Variants in GPR158 observed in about 807,000 individuals in gnomAD.
GPR158 encodes the protein G protein-coupled receptor 158.
A neutral mutation model predicts 78.2 loss-of-function variants in GPR158; 30 were observed. The ratio of observed to expected loss-of-function variants is 0.38; its 90% CI spans 0.29 to 0.52. The LOEUF (loss-of-function observed/expected upper bound fraction) is 0.52, where lower values mean the gene tolerates loss of function less well. GPR158 is among the 20% of genes least tolerant of loss of function. The pLI is 0.83. For synonymous variants in GPR158, 581 were observed against 591.1 expected (o/e 0.98, Z 0.25); for missense variants, 1,463 against 1,523.5 (o/e 0.96, Z 0.66).
chr10:25,307,941 A>AT (rs1327884128), intron 2 of GPR158, among the ~76,000 whole-genome samples: 3 of 152,220 alleles, frequency 2.0e-5, no homozygotes, highest in African/African-American at 7.2e-5. Context: ...CAAAACACAT[A>AT]TTTTTTCTTA....
intron 3 of GPR158, among the ~76,000 whole-genome samples, chr10:25,409,964 C>G (rs1450251916): frequency 1.3e-5 from 2 of 152,098 alleles, no homozygotes; most frequent in East Asian, 1.9e-4. Flanking sequence ...AACTCCTACT[C>G]TTTGGAAATT....
chr10:25,244,434 A>G (rs1256377532), intron 2 of GPR158: 1 of 152,202 alleles, frequency 6.6e-6, no homozygotes, highest in East Asian at 1.9e-4. Context: ...CTAGAAGTTA[A>G]CAACTCTATA....
intron 2 of GPR158, among the ~76,000 whole-genome samples, chr10:25,231,026 C>T (rs180723382): frequency 1.1e-3 from 160 of 152,302 alleles, no homozygotes; most frequent in African/African-American, 3.8e-3. Flanking sequence ...ATGTTTCCAT[C>T]CGAAAGAATA....
intron 2 of GPR158, among the ~76,000 whole-genome samples, chr10:25,340,414 A>G (rs1855286206): frequency 1.3e-5 from 2 of 152,100 alleles, no homozygotes; most frequent in Admixed American, 6.6e-5. Flanking sequence ...CCTGTACTCT[A>G]TCAAATGTAT....
intron 2 of GPR158, among the ~76,000 whole-genome samples, chr10:25,283,183 C>T (rs948385167): frequency 6.6e-6 from 1 of 152,002 alleles, no homozygotes; most frequent in African/African-American, 2.4e-5. Flanking sequence ...TCAATTTCCT[C>T]ACCAGGTATA....
chr10:25,508,391 G>A (rs886677620), intron 5 of GPR158, among the ~76,000 whole-genome samples: 9 of 152,100 alleles, frequency 5.9e-5, no homozygotes, highest in Non-Finnish European at 1.2e-4. Flanking sequence ...GTACTTATAA[G>A]GGAAGTCAAG....
Position 25,572,900 on chromosome 10 carries a change from T to C in GPR158, c.1753+13T>C, listed in dbSNP as rs1455167350. 7.1e-7 allele frequency: 1 copy of C among 1,403,118 alleles called. No individual in the cohort carries two copies. Among genetic ancestry groups the C allele is most frequent in the Non-Finnish European group, 1.0e-6 (1 of 987,010 alleles). 86.9% of individuals were successfully genotyped at this position (1,403,118 alleles called of 1,614,324 possible). A position where few individuals can be genotyped will look rare whatever the true frequency, so the allele number is the denominator to read the frequency against. ...ATGACAGCAGTTGGTATGTGGTCAC[T>C]TGTTTCGTATGATGGTCTTACCATT... On this transcript the variant is annotated intron_variant, in intron 7 of 10. Transcript: ENST00000376351.
chr10:25,279,092 T>A (rs1009014715), intron 2 of GPR158, among the ~76,000 whole-genome samples: 1 of 152,056 alleles, frequency 6.6e-6, no homozygotes, highest in Non-Finnish European at 1.5e-5. Flanking sequence ...AAATAACACA[T>A]GAGACAGGAG....
chr10:25,430,599 T>C (rs1189850461), intron 4 of GPR158, among the ~76,000 whole-genome samples: 87 of 151,236 alleles, frequency 5.8e-4, no homozygotes, highest in Non-Finnish European at 1.1e-3. Flanking sequence ...TCATGCTACC[T>C]AACTTCAAAC....
At chr10:25,325,191 A>G (rs1855012417) in intron 2 of GPR158, among the ~76,000 whole-genome samples, 1 of 152,146 alleles carries the variant, frequency 6.6e-6, no homozygotes, top group Non-Finnish European at 1.5e-5. Flanking sequence ...ATCAGAAGAA[A>G]AGGTGAATAT....
intron 2 of GPR158, among the ~76,000 whole-genome samples, chr10:25,253,702 A>G (rs921128063): frequency 1.3e-5 from 2 of 152,204 alleles, no homozygotes; most frequent in African/African-American, 2.4e-5. Flanking sequence ...ATATATATAT[A>G]TATCACACTT....
chr10:25,342,351 T>G (rs2130507959), intron 2 of GPR158, among the ~76,000 whole-genome samples: 1 of 152,104 alleles, frequency 6.6e-6, no homozygotes, highest in Non-Finnish European at 1.5e-5. Context: ...TTCTTGTTTC[T>G]GCAGCTCTGG....
intron 1 of GPR158, among the ~76,000 whole-genome samples, chr10:25,191,852 C>T (rs1171075202): frequency 6.6e-6 from 1 of 152,100 alleles, no homozygotes; most frequent in African/African-American, 2.4e-5. Context: ...TCCTGTTTCT[C>T]CCTCACTTTT....
At chr10:25,371,460 A>G (rs1833991807) in intron 2 of GPR158, among the ~76,000 whole-genome samples, 1 of 151,896 alleles carries the variant, frequency 6.6e-6, no homozygotes, top group African/African-American at 2.4e-5. Context: ...AAACTATACT[A>G]TAAGGCTACA....
intron 4 of GPR158, among the ~76,000 whole-genome samples, chr10:25,438,444 T>A (rs1380343214): frequency 6.6e-6 from 1 of 152,264 alleles, no homozygotes; most frequent in Non-Finnish European, 1.5e-5. Flanking sequence ...CACTTTGTTT[T>A]ATGTCCATTT....
At chr10:25,516,054 T>C (rs1180993148) in intron 5 of GPR158, among the ~76,000 whole-genome samples, 1 of 151,822 alleles carries the variant, frequency 6.6e-6, no homozygotes, top group Non-Finnish European at 1.5e-5. Context: ...TTTTTAATGA[T>C]CACCATTCTA....
At position 25,573,405 on chromosome 10, in the gene GPR158, C is replaced by A. The variant is rs1348405028; in HGVS notation, c.1753+518C>A. Among the ~76,000 whole-genome samples, 3 of 152,278 alleles carry A rather than the reference C, an allele frequency of 2.0e-5. No individual in the cohort carries two copies. In the East Asian group the frequency reaches 5.8e-4, roughly 29 times the overall value. Reference sequence around the variant, plus strand: ...CTCAAAAGACAACTTATTTATAATTCTCTGGAGGTTTAGAATTACACAAAG... The same window carrying A: ...CTCAAAAGACAACTTATTTATAATTATCTGGAGGTTTAGAATTACACAAAG... On this transcript the variant is annotated intron_variant, in intron 7 of 10. Transcript: ENST00000376351.
intron 2 of GPR158, among the ~76,000 whole-genome samples, chr10:25,383,793 T>C (rs926818708): frequency 6.6e-6 from 1 of 152,120 alleles, no homozygotes; most frequent in South Asian, 2.1e-4. Context: ...GACTCTAAAG[T>C]GACCATGCAC....
At chr10:25,583,538 T>C (rs1302155669) in intron 7 of GPR158, among the ~76,000 whole-genome samples, 1 of 152,204 alleles carries the variant, frequency 6.6e-6, no homozygotes, top group African/African-American at 2.4e-5. Flanking sequence ...AATCCTGGAA[T>C]TGAAGGTATT....
Sources: allele counts gnomAD v4.1 joint callset (sites outside exome capture counted in the v4.1 genomes callset), GRCh38; gene constraint gnomAD v4.1.1; transcripts MANE v1.5; gene names NCBI Gene and HGNC (gene_info 2026-07-23, HGNC 2026-07-21).